The following TXNL4B variants were observed in gnomAD, a reference collection of about 807,000 sequenced individuals.
The protein encoded by TXNL4B is thioredoxin-like protein 4B.
TXNL4B carries 12 observed loss-of-function variants against 13.0 expected under a neutral mutation model. That is an observed-to-expected ratio of 0.92 (90% confidence interval 0.59 to 1.49). The LOEUF (loss-of-function observed/expected upper bound fraction) is 1.49. TXNL4B is among the 40% of genes most tolerant of loss of function. The probability of loss-of-function intolerance (pLI) is 0.00; values close to 1 mark genes in which losing one functional copy is unlikely to be tolerated. For synonymous variants in TXNL4B, 59 were observed against 58.9 expected (o/e 1.00, Z -0.01); for missense variants, 214 against 173.6 (o/e 1.23, Z -1.31).
At position 72,086,385 on chromosome 16, in the gene TXNL4B, A is replaced by T. The variant is rs1032165840; in HGVS notation, c.*252T>A. The T allele has an allele frequency of 3.8e-5, 13 of 346,280 alleles. No individual in the cohort carries two copies. The highest frequency in any genetic ancestry group is 2.3e-4 in the African/African-American group (11 of 48,368). 21.5% of individuals were successfully genotyped at this position (346,280 alleles called of 1,614,324 possible). A position where few individuals can be genotyped will look rare whatever the true frequency, so the allele number is the denominator to read the frequency against. ...AAACATTAGAAAGAGAAGTTACAAA[A>T]ATCACTGTGGGGAAAATGAACACCA... On this transcript the variant is annotated 3_prime_UTR_variant, in exon 4 of 4. Coordinates refer to ENST00000268483, the MANE Select transcript of TXNL4B (RefSeq NM_017853.3).
chr16:72,093,845 A>C (rs1242630652), upstream of TXNL4B: 1 of 152,398 alleles, frequency 6.6e-6, no homozygotes, highest in African/African-American at 2.4e-5. Flanking sequence ...GTACCGTTCC[A>C]CACTTGGATC....
chr16:72,087,051 A>C lies in TXNL4B; in HGVS notation c.285-249T>G, dbSNP rs560475950. ...AGCTTTAGCTTCAAAAGCTATTGTA[A>C]TCACAAAATCTATTTTTATCACTTC... On this transcript the variant is annotated intron_variant, in intron 3 of 3. Coordinates refer to ENST00000268483, the MANE Select transcript of TXNL4B (RefSeq NM_017853.3). 2.0e-5 allele frequency among the ~76,000 whole-genome samples: 3 copies of C among 152,334 alleles called. No homozygotes were observed. In the East Asian group the frequency reaches 5.8e-4, roughly 29 times the overall value.
chr16:72,089,289 A>C, intron 2 of TXNL4B, 151 bp from the exon 3 acceptor site: 1 of 629,258 alleles, frequency 1.6e-6, no homozygotes, highest in African/African-American at 1.8e-5. Context: ...ACAAAGCATA[A>C]CCCCATCCTC....
intron 1 of TXNL4B, among the ~76,000 whole-genome samples, chr16:72,092,645 A>T (rs537801105): frequency 6.6e-6 from 1 of 152,268 alleles, no homozygotes; most frequent in African/African-American, 2.4e-5. Context: ...GAAAGGAGAA[A>T]GTAAGGGGAG....
chr16:72,086,892 TTTGTTA>T, intron 3 of TXNL4B, 90 bp from the exon 4 acceptor site: 3 of 1,026,046 alleles, frequency 2.9e-6, no homozygotes, highest in Non-Finnish European at 4.2e-6. Flanking sequence ...GAAAAACAGC[TTTGTTA>T]TTTTCTTCTT....
intron 1 of TXNL4B, among the ~76,000 whole-genome samples, chr16:72,092,238 G>A (rs560407074): frequency 3.9e-4 from 59 of 152,192 alleles, no homozygotes; most frequent in African/African-American, 1.1e-3. Context: ...GTGAAACCCC[G>A]TCTCTACTAA....
intron 3 of TXNL4B, among the ~76,000 whole-genome samples, chr16:72,087,627 A>G (rs1597428177): frequency 6.7e-6 from 1 of 150,032 alleles, no homozygotes; most frequent in African/African-American, 2.5e-5. Flanking sequence ...GTTCCAGTAG[A>G]ATAAACAGCT....
intron 2 of TXNL4B, 97 bp downstream of exon 2, chr16:72,090,521 C>G: frequency 7.6e-7 from 1 of 1,311,836 alleles, no homozygotes; most frequent in Non-Finnish European, 1.1e-6. Context: ...CAGCTATATA[C>G]CCAACCCTGA....
intron 2 of TXNL4B, 32 bp from the exon 3 acceptor site, chr16:72,089,170 T>C (rs764748245): frequency 6.4e-7 from 1 of 1,573,804 alleles, no homozygotes; most frequent in South Asian, 1.1e-5. Context: ...AAGGTTACAA[T>C]ATGAGAGGCA....
In TXNL4B at chr16:72,086,933, C is replaced by T. The variant is rs534168956; in HGVS notation, c.285-131G>A. 79 of 695,734 alleles carry T rather than the reference C, an allele frequency of 1.1e-4. No homozygotes were observed. In the African/African-American group the frequency reaches 1.2e-3, roughly 11 times the overall value. 43.1% of individuals were successfully genotyped at this position (695,734 alleles called of 1,614,324 possible). On this transcript the variant is annotated intron_variant, in intron 3 of 3. Transcript: ENST00000268483. ...TGTCAATGAGACTTCAGAAATAAAG[C>T]CCAACATTAATTTTTCAATCATTTT...
chr16:72,088,938 C>A, intron 3 of TXNL4B, 49 bp downstream of exon 3: 1 of 1,498,114 alleles, frequency 6.7e-7, no homozygotes, highest in Non-Finnish European at 9.2e-7. Context: ...AAAATGCTTA[C>A]CAAGGAAACT....
In TXNL4B at chr16:72,086,588, ACT is replaced by A; in HGVS notation, c.*47_*48del. 5.2e-6 allele frequency: 8 copies of A among 1,528,498 alleles called. No individual in the cohort carries two copies. The highest frequency in any genetic ancestry group is 7.2e-6 in the Non-Finnish European group (8 of 1,107,566). The allele number at this position is 1,528,498 out of a possible 1,614,324, so 94.7% of individuals were successfully genotyped here. Reference sequence around the variant, plus strand: ...AAACACAGCACAGCTGGATTCAGGTACTGTGTCAAGATGTGCCTTCTTCTTCA... The same window carrying A: ...AAACACAGCACAGCTGGATTCAGGTAGTGTCAAGATGTGCCTTCTTCTTCA... On this transcript the variant is annotated 3_prime_UTR_variant, in exon 4 of 4. Coordinates refer to ENST00000268483, the MANE Select transcript of TXNL4B (RefSeq NM_017853.3).
At chr16:72,088,825 T>C (rs2041860390) in intron 3 of TXNL4B, among the ~76,000 whole-genome samples, 162 bp downstream of exon 3, 1 of 152,242 alleles carries the variant, frequency 6.6e-6, no homozygotes. Context: ...TCTCATTTTG[T>C]AGCAAGGTTT....
chr16:72,093,709 T>TC (rs1286818755), upstream of TXNL4B: 2 of 152,410 alleles, frequency 1.3e-5, no homozygotes, highest in East Asian at 1.9e-4. Context: ...TCGACCTTTT[T>TC]CCCCTCCTTT....
rs754100440 is a variant in TXNL4B at position 72,086,634 on chromosome 16, G to A, written c.*3C>T. On this transcript the variant is annotated 3_prime_UTR_variant, in exon 4 of 4. Coordinates refer to ENST00000268483, the MANE Select transcript of TXNL4B (RefSeq NM_017853.3). ...TTCTTCATCTTTGACAGCAATTAAT[G>A]TACTAAATGTCTTGATAGAGAAGGT... 2 of 1,610,408 alleles carry A rather than the reference G, an allele frequency of 1.2e-6. No homozygotes were observed. Among genetic ancestry groups the A allele is most frequent in the Admixed American group, 1.7e-5 (1 of 59,938 alleles).
intron 3 of TXNL4B, chr16:72,087,436 T>A (rs1373488601): frequency 6.6e-6 from 1 of 151,970 alleles, no homozygotes; most frequent in Non-Finnish European, 1.5e-5. Context: ...TTCAGTAATA[T>A]GCTTTTTTCT....
At chr16:72,090,476 G>T in intron 2 of TXNL4B, 142 bp downstream of exon 2, 2 of 800,092 alleles carry the variant, frequency 2.5e-6, no homozygotes, top group Non-Finnish European at 3.9e-6. Context: ...TTCAGGGCAG[G>T]CACACAATCA....
intron 1 of TXNL4B, 45 bp from the exon 2 acceptor site, chr16:72,090,831 G>A (rs2041893965): frequency 6.0e-6 from 9 of 1,511,938 alleles, no homozygotes; most frequent in East Asian, 4.5e-5. Flanking sequence ...GATTAAGTGC[G>A]TGAGCCCTCA....
chr16:72,087,303 T>C (rs905932515), intron 3 of TXNL4B: 5 of 152,626 alleles, frequency 3.3e-5, no homozygotes, highest in African/African-American at 1.2e-4. Flanking sequence ...AGAGGTCACT[T>C]TTCAGTGTCT....
Sources: allele counts gnomAD v4.1 joint callset (sites outside exome capture counted in the v4.1 genomes callset), GRCh38; gene constraint gnomAD v4.1.1; transcripts MANE v1.5; gene names NCBI Gene and HGNC (gene_info 2026-07-23, HGNC 2026-07-21).